Variants in NWD2 observed in about 807,000 individuals in gnomAD.
NWD2 encodes NACHT and WD repeat domain containing 2, also known as NACHT and WD repeat domain-containing protein 2.
Under a neutral mutation model 132.7 loss-of-function variants are expected in NWD2, and 37 were observed. The ratio of observed to expected loss-of-function variants is 0.28; its 90% CI spans 0.21 to 0.37. The LOEUF (loss-of-function observed/expected upper bound fraction) is 0.37. Ranked by LOEUF, NWD2 falls within the 10% of genes least tolerant of loss-of-function variation. NWD2 has a pLI of 1.00. For missense variants in NWD2, 1,592 were observed against 2,122.4 expected (o/e 0.75, Z 4.91); for synonymous variants, 705 against 803.0 (o/e 0.88, Z 2.06).
chr4:37,303,302 C>T (rs1247101114), intron 1 of NWD2, among the ~76,000 whole-genome samples: 5 of 152,016 alleles, frequency 3.3e-5, no homozygotes, highest in Admixed American at 1.3e-4. Flanking sequence ...TCTGTTACAT[C>T]GGTGTATCTC....
chr4:37,263,862 G>A (rs181426927), intron 1 of NWD2, among the ~76,000 whole-genome samples: 1 of 152,198 alleles, frequency 6.6e-6, no homozygotes, highest in African/African-American at 2.4e-5. Flanking sequence ...AATTTTAGAT[G>A]GTCATTGGAA....
intron 1 of NWD2, among the ~76,000 whole-genome samples, chr4:37,321,741 T>A (rs1212850364): frequency 6.6e-6 from 1 of 152,218 alleles, no homozygotes; most frequent in Non-Finnish European, 1.5e-5. Flanking sequence ...TCATAATTAA[T>A]CCATTCCTAT....
At chr4:37,429,360 G>T (rs1208312548) in intron 3 of NWD2, among the ~76,000 whole-genome samples, 1 of 152,044 alleles carries the variant, frequency 6.6e-6, no homozygotes, top group Admixed American at 6.6e-5. Context: ...TGTTGACCAG[G>T]CTGGAGTGCA....
intron 3 of NWD2, among the ~76,000 whole-genome samples, chr4:37,415,751 AAAAATGCG>A (rs1384975760): frequency 2.0e-5 from 3 of 152,004 alleles, no homozygotes; most frequent in Admixed American, 6.6e-5. Flanking sequence ...TCCAGAACTT[AAAAATGCG>A]AAAGTCCAGT....
chr4:37,263,637 A>G (rs73240345), intron 1 of NWD2, among the ~76,000 whole-genome samples: 1 of 151,670 alleles, frequency 6.6e-6, no homozygotes, highest in Non-Finnish European at 1.5e-5. Context: ...TAACAGATAG[A>G]TTAATGCTAA....
intron 3 of NWD2, among the ~76,000 whole-genome samples, chr4:37,429,379 A>T (rs1712106896): frequency 6.6e-6 from 1 of 152,222 alleles, no homozygotes; most frequent in African/African-American, 2.4e-5. Context: ...CAGTGGCGCA[A>T]TCTTGGCTCA....
chr4:37,273,184 A>AT (rs997502594), intron 1 of NWD2, among the ~76,000 whole-genome samples: 2 of 151,764 alleles, frequency 1.3e-5, no homozygotes, highest in African/African-American at 2.4e-5. Context: ...AGTTTAACAG[A>AT]TTTTTTTATT....
intron 2 of NWD2, 43 bp from the exon 3 acceptor site, chr4:37,356,323 A>G: frequency 9.4e-7 from 1 of 1,059,442 alleles, no homozygotes; most frequent in Non-Finnish European, 1.3e-6. Context: ...AATAAAAACA[A>G]AGCCCACATG....
intron 1 of NWD2, among the ~76,000 whole-genome samples, chr4:37,325,085 A>G (rs557499160): frequency 2.0e-5 from 3 of 152,256 alleles, no homozygotes; most frequent in East Asian, 3.9e-4. Context: ...GGAACAGCCT[A>G]TTTGCTCTTA....
chr4:37,284,715 C>T (rs914491282), intron 1 of NWD2, among the ~76,000 whole-genome samples: 2 of 152,168 alleles, frequency 1.3e-5, no homozygotes, highest in African/African-American at 4.8e-5. Flanking sequence ...GTAGTTCTCT[C>T]TGCCCAAACA....
Position 37,443,876 on chromosome 4 carries a change from G to T in NWD2, c.1888G>T (p.Asp630Tyr), listed in dbSNP as rs1415453688. The T allele has an allele frequency of 6.4e-7, 1 of 1,552,326 alleles. No individual in the cohort carries two copies. Among genetic ancestry groups the T allele is most frequent in the Non-Finnish European group, 8.7e-7 (1 of 1,147,128 alleles). The change falls in exon 7 of 7, where the codon GAT becomes TAT. Residue 630 changes from aspartate to tyrosine, a missense_variant. Coordinates refer to ENST00000309447, the MANE Select transcript of NWD2 (RefSeq NM_001144990.2). This position sits in a 1 kb window ranked among gnomAD's most constrained non-coding sequence, Gnocchi z 4.1. Reference protein sequence around the residue: ...VRHWRSHKDVDESSLSVTVHE... With the variant: ...VRHWRSHKDVYESSLSVTVHE... ...GCACTGGAGATCTCACAAAGACGTC[G>T]ATGAATCCTCCCTCTCTGTCACCGT... is the stretch of plus-strand genomic sequence containing the variant.
chr4:37,285,593 T>C (rs1390665876), intron 1 of NWD2, among the ~76,000 whole-genome samples: 1 of 152,178 alleles, frequency 6.6e-6, no homozygotes, highest in African/African-American at 2.4e-5. Context: ...AAATGAAGGA[T>C]GCTATTCCTT....
chr4:37,292,392 T>G (rs1718383099), intron 1 of NWD2, among the ~76,000 whole-genome samples: 1 of 152,100 alleles, frequency 6.6e-6, no homozygotes, highest in Non-Finnish European at 1.5e-5. Context: ...CCCCTTCATG[T>G]GAGGACGCAG....
At chr4:37,263,287 AT>A (rs563994752) in intron 1 of NWD2, among the ~76,000 whole-genome samples, 4 of 152,086 alleles carry the variant, frequency 2.6e-5, no homozygotes, top group Admixed American at 6.6e-5. Flanking sequence ...CATACTGACT[AT>A]TTTTTTTATT....
At chr4:37,313,461 G>A (rs1298489595) in intron 1 of NWD2, among the ~76,000 whole-genome samples, 8 of 150,972 alleles carry the variant, frequency 5.3e-5, no homozygotes, top group Admixed American at 2.6e-4. Flanking sequence ...ATTTCTGTGG[G>A]ATCGGTGGTG....
chr4:37,285,584 A>G (rs1718214324), intron 1 of NWD2, among the ~76,000 whole-genome samples: 1 of 152,176 alleles, frequency 6.6e-6, no homozygotes, highest in Admixed American at 6.5e-5. Flanking sequence ...CTGCTGTCCA[A>G]ATGAAGGATG....
intron 1 of NWD2, among the ~76,000 whole-genome samples, chr4:37,280,190 C>T (rs1450636344): frequency 6.6e-6 from 1 of 152,164 alleles, no homozygotes; most frequent in Non-Finnish European, 1.5e-5. Context: ...TTTCTGGCCA[C>T]AAAAACATCA....
At chr4:37,309,224 A>T (rs1310785918) in intron 1 of NWD2, among the ~76,000 whole-genome samples, 1 of 152,154 alleles carries the variant, frequency 6.6e-6, no homozygotes, top group Non-Finnish European at 1.5e-5. Flanking sequence ...GGCCCCAGGC[A>T]GGCCAGTCCT....
intron 1 of NWD2, among the ~76,000 whole-genome samples, chr4:37,286,195 T>G (rs961058225): frequency 1.3e-5 from 2 of 152,214 alleles, no homozygotes; most frequent in Non-Finnish European, 2.9e-5. Context: ...AGTTAATCAT[T>G]TTCGGTGTTT....
Sources: allele counts gnomAD v4.1 joint callset (sites outside exome capture counted in the v4.1 genomes callset), GRCh38; gene constraint gnomAD v4.1.1; non-coding constraint Gnocchi (gnomAD v3.1); transcripts MANE v1.5; gene names NCBI Gene and HGNC (gene_info 2026-07-23, HGNC 2026-07-21).